RAPGEF4: variants seen among roughly 807,000 people sequenced by gnomAD.
The protein encoded by RAPGEF4 is Rap guanine nucleotide exchange factor 4, also known as RAP guanine-nucleotide-exchange factor (GEF) 4.
In RAPGEF4, 66 loss-of-function variants were observed where a neutral mutation model predicts 147.9. That is an observed-to-expected ratio of 0.45 (90% CI 0.37 to 0.55). RAPGEF4 has a LOEUF of 0.55. Among genes scored for constraint, RAPGEF4 ranks in the 20% least tolerant of loss-of-function variants. RAPGEF4 has a pLI of 0.00. For synonymous variants in RAPGEF4, 419 were observed against 442.7 expected (o/e 0.95, Z 0.67); for missense variants, 1,071 against 1,257.3 (o/e 0.85, Z 2.24).
intron 1 of RAPGEF4, among the ~76,000 whole-genome samples, chr2:172,748,242 C>T (rs965133195): frequency 1.3e-5 from 2 of 152,106 alleles, no homozygotes; most frequent in African/African-American, 2.4e-5. Flanking sequence ...TTTTGAGGAT[C>T]CTCCATAAGT....
chr2:173,018,506 A>G (rs1405080761), intron 21 of RAPGEF4, 150 bp from the exon 22 acceptor site: 2 of 750,072 alleles, frequency 2.7e-6, no homozygotes, highest in Non-Finnish European at 4.2e-6. Flanking sequence ...TAGAAGGGGC[A>G]GGAATAGGGG....
chr2:172,837,598 A>G (rs934275332), intron 4 of RAPGEF4, among the ~76,000 whole-genome samples: 11 of 152,206 alleles, frequency 7.2e-5, no homozygotes, highest in African/African-American at 2.4e-4. Context: ...TTCTTTTTCT[A>G]TTATCTCACT....
At chr2:172,810,855 C>T (rs1351862671) in intron 3 of RAPGEF4, among the ~76,000 whole-genome samples, 6 of 152,188 alleles carry the variant, frequency 3.9e-5, no homozygotes, top group Non-Finnish European at 1.5e-5. Flanking sequence ...TTAGGACCCA[C>T]GGCCATCTTG....
At chr2:173,003,617 C>G (rs1694161634) in intron 17 of RAPGEF4, among the ~76,000 whole-genome samples, 1 of 151,754 alleles carries the variant, frequency 6.6e-6, no homozygotes, top group Admixed American at 6.6e-5. Flanking sequence ...CCCCAGCCCC[C>G]ACAAAAAAAC....
At chr2:172,983,665 G>C in intron 11 of RAPGEF4, 85 bp downstream of exon 11, 1 of 1,527,658 alleles carries the variant, frequency 6.5e-7, no homozygotes, top group Non-Finnish European at 8.8e-7. Flanking sequence ...CGGTGTTGTG[G>C]GGGGAAAGAA....
intron 6 of RAPGEF4, among the ~76,000 whole-genome samples, chr2:172,952,171 A>C (rs1377269145): frequency 1.3e-5 from 2 of 152,104 alleles, no homozygotes; most frequent in Non-Finnish European, 2.9e-5. Flanking sequence ...CCACCACACC[A>C]GGCTATTTTT....
intron 10 of RAPGEF4, among the ~76,000 whole-genome samples, chr2:172,969,239 A>G (rs113057167): frequency 6.6e-6 from 1 of 152,232 alleles, no homozygotes; most frequent in African/African-American, 2.4e-5. Flanking sequence ...GAGTACCTAC[A>G]TTGTTCTAGA....
At chr2:172,977,538 G>A (rs750998111) in intron 10 of RAPGEF4, among the ~76,000 whole-genome samples, 201 of 152,142 alleles carry the variant, frequency 1.3e-3, no homozygotes, top group African/African-American at 4.4e-3. Context: ...AGCAGCCTCC[G>A]AGAGGCTGGG....
intron 17 of RAPGEF4, among the ~76,000 whole-genome samples, chr2:173,001,993 C>CAAAAAAAAAAAGAA (rs1693972340): frequency 1.3e-5 from 1 of 79,312 alleles, no homozygotes; most frequent in Non-Finnish European, 2.5e-5. Flanking sequence ...GTGATGCTGG[C>CAAAAAAAAAAAGAA]AAAAAAAAAA....
chr2:172,850,998 C>G (rs1692753984), intron 4 of RAPGEF4, among the ~76,000 whole-genome samples: 1 of 152,052 alleles, frequency 6.6e-6, no homozygotes, highest in African/African-American at 2.4e-5. Context: ...GGGGTTGGTT[C>G]ACTCTTGCTT....
At chr2:172,751,437 G>A (rs1345205626) in intron 1 of RAPGEF4, among the ~76,000 whole-genome samples, 8 of 152,200 alleles carry the variant, frequency 5.3e-5, no homozygotes, top group African/African-American at 1.9e-4. Context: ...AATAGGAGAA[G>A]TTAGATGGTA....
chr2:172,776,752 G>A (rs1343412217), intron 1 of RAPGEF4, among the ~76,000 whole-genome samples: 1 of 151,152 alleles, frequency 6.6e-6, no homozygotes, highest in Non-Finnish European at 1.5e-5. Context: ...TTCATATTTT[G>A]TATTTTTAAG....
Position 172,973,612 on chromosome 2 carries a change from C to T in RAPGEF4, c.1004+6168C>T, listed in dbSNP as rs111477853. 6.1e-3 allele frequency among the ~76,000 whole-genome samples: 924 copies of T among 152,206 alleles called. 14 individuals carry two copies. Among genetic ancestry groups the T allele is most frequent in the African/African-American group, 0.021 (877 of 41,520 alleles). On this transcript the variant is annotated intron_variant, in intron 10 of 30. Coordinates refer to ENST00000397081, the MANE Select transcript of RAPGEF4 (RefSeq NM_007023.4). ...AGATGCAGCTGGAGAGTTAGGCTGA[C>T]GTCAGTGGGGGCATCTGCCATGCCC...
intron 10 of RAPGEF4, among the ~76,000 whole-genome samples, chr2:172,972,958 A>G (rs1690651815): frequency 6.6e-6 from 1 of 152,208 alleles, no homozygotes; most frequent in South Asian, 2.1e-4. Context: ...AACTTTTTAC[A>G]CTTAATAACA....
chr2:172,784,180 C>A (rs1345825161), intron 1 of RAPGEF4, among the ~76,000 whole-genome samples: 1 of 152,112 alleles, frequency 6.6e-6, no homozygotes, highest in Non-Finnish European at 1.5e-5. Context: ...CACCCGAGTA[C>A]TTTATTCGCC....
Position 172,922,363 on chromosome 2 carries a change from T to C in RAPGEF4, c.537+63T>C. On this transcript the variant is annotated intron_variant, in intron 6 of 30. Transcript: ENST00000397081. Reference sequence around the variant, plus strand: ...GTTATAAGGTAAAAAATAATCATGGTAACCCTACCAACAAAGAGAGCTCTT... The same window carrying C: ...GTTATAAGGTAAAAAATAATCATGGCAACCCTACCAACAAAGAGAGCTCTT... 4.8e-6 allele frequency: 7 copies of C among 1,456,004 alleles called. No homozygotes were observed. The Admixed American group carries it at 8.4e-5, about 17-fold the overall frequency. 90.2% of individuals were successfully genotyped at this position (1,456,004 alleles called of 1,614,324 possible).
At chr2:172,867,773 A>T (rs1465885983) in intron 4 of RAPGEF4, among the ~76,000 whole-genome samples, 3 of 152,236 alleles carry the variant, frequency 2.0e-5, no homozygotes, top group African/African-American at 7.2e-5. Context: ...GCTAATTTCC[A>T]TCCAGGCCAA....
At chr2:172,777,285 T>G (rs1684263074) in intron 1 of RAPGEF4, among the ~76,000 whole-genome samples, 1 of 152,002 alleles carries the variant, frequency 6.6e-6, no homozygotes, top group South Asian at 2.1e-4. Context: ...AAACAGTATA[T>G]TTATTCTTTC....
chr2:173,012,606 A>C (rs1329805929), intron 17 of RAPGEF4, among the ~76,000 whole-genome samples: 2 of 152,218 alleles, frequency 1.3e-5, no homozygotes, highest in East Asian at 3.8e-4. Context: ...ACCTTGCCTT[A>C]GCGTTATTAA....
Sources: gnomAD v4.1 joint callset for allele counts (sites outside exome capture counted in the v4.1 genomes callset) on GRCh38, gnomAD v4.1.1 for gene constraint, MANE v1.5 for transcripts, NCBI Gene and HGNC (gene_info 2026-07-23, HGNC 2026-07-21) for gene names.